PLAGL1: variants seen among roughly 807,000 people sequenced by gnomAD.
PLAGL1 encodes zinc finger protein PLAGL1.
A neutral mutation model predicts 4.6 loss-of-function variants in PLAGL1; 1 was observed. The observed-to-expected ratio is 0.22, with a 90% CI of 0.08 to 1.03. PLAGL1 has a LOEUF of 1.03. Among genes scored for constraint, PLAGL1 ranks in the 50% least tolerant of loss-of-function variants. PLAGL1 has a pLI of 0.58. For missense variants in PLAGL1, 464 were observed against 570.4 expected, an observed-to-expected ratio of 0.81 and a Z score of 1.90; for synonymous variants, 240 against 237.8, an observed-to-expected ratio of 1.01 and a Z score of -0.08.
intron 1 of PLAGL1, among the ~76,000 whole-genome samples, chr6:144,019,790 T>TAAAA (rs112007022): frequency 6.9e-6 from 1 of 144,250 alleles, no homozygotes. Flanking sequence ...AAAAGTTACT[T>TAAAA]AAAAAAAAAA....
chr6:143,958,921 C>A lies in PLAGL1; in HGVS notation c.-325+1548G>T, dbSNP rs906001937. 4.6e-5 allele frequency among the ~76,000 whole-genome samples: 7 copies of A among 152,128 alleles called. No homozygotes were observed. Among genetic ancestry groups the A allele is most frequent in the African/African-American group, 1.4e-4 (6 of 41,406 alleles). Reference sequence around the variant, plus strand: ...CTCCTTTTCACCTTAAGTCTTTTTTCTCTCCCATTCACAGCTTTAGGTCCT... The same window carrying A: ...CTCCTTTTCACCTTAAGTCTTTTTTATCTCCCATTCACAGCTTTAGGTCCT... On this transcript the variant is annotated intron_variant, in intron 6 of 7. Coordinates refer to ENST00000674357, the MANE Select transcript of PLAGL1 (RefSeq NM_001317162.2). This position sits in a 1 kb window ranked among gnomAD's most constrained non-coding sequence, Gnocchi z 5.1.
Position 143,983,638 on chromosome 6 carries a change from G to A in PLAGL1, c.-544+1497C>T, listed in dbSNP as rs940021162. ...TAAGTACAACAAAGCAAAGGGGAGG[G>A]ACAGAGAAGATGAGTGGATGAGTGA... On this transcript the variant is annotated intron_variant, in intron 2 of 7. Coordinates refer to ENST00000674357, the MANE Select transcript of PLAGL1 (RefSeq NM_001317162.2). The surrounding 1 kb of genome is among the most constrained non-coding windows in gnomAD (Gnocchi z 6.6). Among the ~76,000 whole-genome samples the A allele has an allele frequency of 6.6e-6, 1 of 152,114 alleles. No individual in the cohort carries two copies. Among genetic ancestry groups the A allele is most frequent in the African/African-American group, 2.4e-5 (1 of 41,418 alleles).
At chr6:144,058,724 A>T (rs1799170789) in intron 1 of PLAGL1, among the ~76,000 whole-genome samples, 1 of 152,210 alleles carries the variant, frequency 6.6e-6, no homozygotes, top group East Asian at 1.9e-4. Flanking sequence ...CCAGCAGGGC[A>T]GTTATTAAAT....
chr6:143,944,357 G>A (rs1779296442), intron 7 of PLAGL1, among the ~76,000 whole-genome samples: 1 of 151,978 alleles, frequency 6.6e-6, no homozygotes. Context: ...GAGGCCAACT[G>A]GAAGCCAGTT....
chr6:144,054,559 G>A (rs1310871472), intron 1 of PLAGL1, among the ~76,000 whole-genome samples: 2 of 152,116 alleles, frequency 1.3e-5, no homozygotes, highest in East Asian at 1.9e-4. Flanking sequence ...AAGAACACAT[G>A]GACAGAGAGA....
rs1012106616 is a variant in PLAGL1, at chr6:144,036,304, G to C, written c.-151+28164C>G. ...AACACAAGCCTTATAACACAATCCT[G>C]AGGAAATCAGCTGTGAAATACACAG... On this transcript the variant is annotated intron_variant, in intron 1 of 3. Coordinates refer to the PLAGL1 transcript ENST00000437412. This position sits in a 1 kb window ranked among gnomAD's most constrained non-coding sequence, Gnocchi z 5.1. Among the ~76,000 whole-genome samples, 1 of 152,154 alleles carries C rather than the reference G, an allele frequency of 6.6e-6. No individual in the cohort carries two copies. Among genetic ancestry groups the C allele is most frequent in the Non-Finnish European group, 1.5e-5 (1 of 68,040 alleles).
chr6:144,012,963 G>A (rs1340806771), upstream of PLAGL1, among the ~76,000 whole-genome samples: 1 of 152,238 alleles, frequency 6.6e-6, no homozygotes, highest in East Asian at 1.9e-4. The surrounding 1 kb of genome is among the most constrained non-coding windows in gnomAD (Gnocchi z 4.8). Flanking sequence ...TTCAAGGGAA[G>A]TATGCTATCT....
rs1204115124 is a variant in PLAGL1 at position 143,948,355 on chromosome 6, C to T, written c.-219G>A. ...GCTTTCACACATCCCAGTTTACATG[C>T]AGTCTCAAGCTGAGGGGAGAAAGTC... is the stretch of plus-strand genomic sequence containing the variant. On this transcript the variant is annotated 5_prime_UTR_variant, in exon 7 of 8. Transcript: ENST00000674357. The surrounding 1 kb of genome is among the most constrained non-coding windows in gnomAD (Gnocchi z 6.0). 6 of 507,866 alleles carry T rather than the reference C, an allele frequency of 1.2e-5. No homozygotes were observed. The highest frequency in any genetic ancestry group is 3.3e-5 in the Admixed American group (1 of 30,692). 31.5% of individuals were successfully genotyped at this position (507,866 alleles called of 1,614,324 possible). A position where few individuals can be genotyped will look rare whatever the true frequency, so the allele number is the denominator to read the frequency against.
chr6:143,975,176 C>A lies in PLAGL1; in HGVS notation c.-543-6198G>T, dbSNP rs1156542075. Among the ~76,000 whole-genome samples the A allele has an allele frequency of 6.6e-6, 1 of 152,020 alleles. No individual in the cohort carries two copies. The highest frequency in any genetic ancestry group is 2.4e-5 in the African/African-American group (1 of 41,388). The stretch of plus-strand genomic sequence containing the variant: ...GAGTCTCATGCTGTTTCCATTACAC[C>A]AGCTACCATGTACTGGGGATATAAT... On this transcript the variant is annotated intron_variant, in intron 2 of 7. Transcript: ENST00000674357. The surrounding 1 kb of genome is among the most constrained non-coding windows in gnomAD (Gnocchi z 5.8).
rs530423451 is a variant in PLAGL1, at chr6:144,041,301, T to G, written c.-151+23167A>C. On this transcript the variant is annotated intron_variant, in intron 1 of 3. Transcript: ENST00000437412. ...GCACCTATTAACTCATCATTTACAT[T>G]AGGTATTTCTCCTAATGCTATCCCT... 2.0e-5 allele frequency among the ~76,000 whole-genome samples: 3 copies of G among 152,240 alleles called. No individual in the cohort carries two copies. In the East Asian group the frequency reaches 5.8e-4, roughly 29 times the overall value.
At chr6:144,049,963 T>C (rs1583882960) in intron 1 of PLAGL1, among the ~76,000 whole-genome samples, 1 of 151,966 alleles carries the variant, frequency 6.6e-6, no homozygotes, top group African/African-American at 2.4e-5. Context: ...ACTAAGATCC[T>C]TCGAAGCTGG....
chr6:144,040,270 T>C (rs1797619323), intron 1 of PLAGL1, among the ~76,000 whole-genome samples: 1 of 152,158 alleles, frequency 6.6e-6, no homozygotes. Context: ...GGCTCACACC[T>C]GTAATCCCAG....
chr6:143,958,878 T>C lies in PLAGL1; in HGVS notation c.-325+1591A>G, dbSNP rs1216859954. 6.6e-6 allele frequency among the ~76,000 whole-genome samples: 1 copy of C among 152,200 alleles called. No individual in the cohort carries two copies. Among genetic ancestry groups the C allele is most frequent in the East Asian group, 1.9e-4 (1 of 5,194 alleles). On this transcript the variant is annotated intron_variant, in intron 6 of 7. Coordinates refer to ENST00000674357, the MANE Select transcript of PLAGL1 (RefSeq NM_001317162.2). The surrounding 1 kb of genome is among the most constrained non-coding windows in gnomAD (Gnocchi z 5.1). ...AGAAAGCTTAAAAAGAGTGGAACACTAGCAAGCAGGGCCTCTTCTCCTTTT... is the reference window on the plus strand; with the variant it reads ...AGAAAGCTTAAAAAGAGTGGAACACCAGCAAGCAGGGCCTCTTCTCCTTTT...
rs34002736 is a variant in PLAGL1, at chr6:144,023,768, C to CTTTTTTTT, written c.-151+40692_-151+40699dup. Among the ~76,000 whole-genome samples the CTTTTTTTT allele has an allele frequency of 2.3e-3, 166 of 72,660 alleles. 6 individuals carry two copies. Among genetic ancestry groups the CTTTTTTTT allele is most frequent in the African/African-American group, 8.8e-3 (160 of 18,082 alleles). 47.7% of individuals were successfully genotyped at this position (72,660 alleles called of 152,430 possible). On this transcript the variant is annotated intron_variant, in intron 1 of 3. Coordinates refer to the PLAGL1 transcript ENST00000437412. Reference sequence around the variant, plus strand: ...GACATCATTATGAACTCATATTTAGCTTTTTTTTTTTTTTTTTTTTTTTTT... The same window carrying CTTTTTTTT: ...GACATCATTATGAACTCATATTTAGCTTTTTTTTTTTTTTTTTTTTTTTTTTTTTTTTT...
At chr6:143,951,599 T>C (rs1562403741) in intron 6 of PLAGL1, among the ~76,000 whole-genome samples, 1 of 152,258 alleles carries the variant, frequency 6.6e-6, no homozygotes, top group African/African-American at 2.4e-5. Flanking sequence ...TCCAGCCACT[T>C]CTTCCCAAGA....
In PLAGL1 at chr6:143,990,884, A is replaced by G. The variant is rs959151268; in HGVS notation, c.-583-5710T>C. Among the ~76,000 whole-genome samples the G allele has an allele frequency of 1.3e-5, 2 of 152,156 alleles. No homozygotes were observed. The highest frequency in any genetic ancestry group is 2.9e-5 in the Non-Finnish European group (2 of 68,034). ...TCATTATTTTTAATTGAGAAAAAGG[A>G]CCTTGCTTTGCCTATGAATGTTTTC... On this transcript the variant is annotated intron_variant, in intron 1 of 7. Coordinates refer to ENST00000674357, the MANE Select transcript of PLAGL1 (RefSeq NM_001317162.2). The surrounding 1 kb of genome is among the most constrained non-coding windows in gnomAD (Gnocchi z 5.4).
chr6:144,064,291 G>T lies in PLAGL1; in HGVS notation c.-151+177C>A, dbSNP rs1277971442. ...GCCATCCCCGGCAGGACGCAGGCAG[G>T]AGCCTCGGCCAGGCTACCTCGCCTG... On this transcript the variant is annotated intron_variant, in intron 1 of 3. Transcript: ENST00000437412. This position sits in a 1 kb window ranked among gnomAD's most constrained non-coding sequence, Gnocchi z 6.8. Among the ~76,000 whole-genome samples the T allele has an allele frequency of 6.6e-6, 1 of 152,166 alleles. No homozygotes were observed. Among genetic ancestry groups the T allele is most frequent in the Non-Finnish European group, 1.5e-5 (1 of 68,018 alleles).
chr6:144,057,475 C>T (rs932280863), intron 1 of PLAGL1, among the ~76,000 whole-genome samples: 1 of 152,224 alleles, frequency 6.6e-6, no homozygotes, highest in Admixed American at 6.5e-5. Context: ...GAAGCATGTG[C>T]CAGCACCCGT....
intron 7 of PLAGL1, among the ~76,000 whole-genome samples, chr6:143,943,813 T>TG (rs1334037522): frequency 1.3e-5 from 2 of 152,242 alleles, no homozygotes; most frequent in Non-Finnish European, 2.9e-5. Flanking sequence ...CTTTTATATT[T>TG]GTGAAGCAGA....
Sources: gnomAD v4.1 joint callset for allele counts (sites outside exome capture counted in the v4.1 genomes callset) on GRCh38, gnomAD v4.1.1 for gene constraint, Gnocchi (gnomAD v3.1) non-coding constraint, MANE v1.5 for transcripts, NCBI Gene and HGNC (gene_info 2026-07-23, HGNC 2026-07-21) for gene names.